The following DPPA2 variants were observed in gnomAD, a reference collection of about 807,000 sequenced individuals.
DPPA2 encodes the protein developmental pluripotency associated 2.
DPPA2 carries 26 observed loss-of-function variants against 36.2 expected under a neutral mutation model. The observed-to-expected ratio is 0.72, with a 90% CI of 0.53 to 1.00. DPPA2 has a LOEUF of 1.00. Ranked by LOEUF, DPPA2 falls within the 50% of genes least tolerant of loss-of-function variation. The pLI is 0.00. For missense variants in DPPA2, 361 were observed against 365.1 expected (o/e 0.99, Z 0.09); for synonymous variants, 113 against 123.2 (o/e 0.92, Z 0.55).
intron 8 of DPPA2, among the ~76,000 whole-genome samples, chr3:109,296,923 C>CA (rs1018288725): frequency 2.3e-4 from 35 of 150,014 alleles, no homozygotes; most frequent in Non-Finnish European, 3.3e-4. Flanking sequence ...CCCATCTCTA[C>CA]AAAAAAAAAT....
At chr3:109,305,682 G>C (rs910033964) in intron 6 of DPPA2, among the ~76,000 whole-genome samples, 1 of 151,302 alleles carries the variant, frequency 6.6e-6, no homozygotes, top group Non-Finnish European at 1.5e-5. Flanking sequence ...GCTGAGGCAG[G>C]AGAATCGCCT....
chr3:109,304,467 A>T lies in DPPA2; in HGVS notation c.854+8T>A. 1 of 1,601,232 alleles carries T rather than the reference A, an allele frequency of 6.2e-7. No homozygotes were observed. The highest frequency in any genetic ancestry group is 8.5e-7 in the Non-Finnish European group (1 of 1,174,474). ...TGTGCCATGCTTAACAAGATACATA[A>T]GGGTTACCTCTTAGCACAGTCGGGG... is the stretch of plus-strand genomic sequence containing the variant. On this transcript the variant is annotated splice_region_variant and intron_variant, in intron 7 of 8. Transcript: ENST00000478945.
intron 8 of DPPA2, among the ~76,000 whole-genome samples, chr3:109,298,662 G>A (rs1178048180): frequency 6.6e-6 from 1 of 150,962 alleles, no homozygotes; most frequent in African/African-American, 2.4e-5. Context: ...GTTCCAGTGA[G>A]CTGAGATCGG....
At chr3:109,304,728 T>G in intron 6 of DPPA2, 58 bp from the exon 7 acceptor site, 1 of 1,492,788 alleles carries the variant, frequency 6.7e-7, no homozygotes, top group Non-Finnish European at 9.0e-7. Flanking sequence ...CAACACAACC[T>G]CTCAGCAAGT....
chr3:109,315,394 G>T (rs1707770974), intron 1 of DPPA2, among the ~76,000 whole-genome samples: 1 of 152,162 alleles, frequency 6.6e-6, no homozygotes. Context: ...CTGGTTGGAG[G>T]AGAAGGATTT....
chr3:109,297,250 A>C (rs1015399617), intron 8 of DPPA2, among the ~76,000 whole-genome samples: 3 of 152,178 alleles, frequency 2.0e-5, no homozygotes, highest in Non-Finnish European at 4.4e-5. Flanking sequence ...CTGGCTGGGC[A>C]CAGTGGCTCA....
intron 6 of DPPA2, among the ~76,000 whole-genome samples, chr3:109,305,497 G>A (rs925761529): frequency 1.3e-5 from 2 of 151,384 alleles, no homozygotes; most frequent in African/African-American, 2.4e-5. Flanking sequence ...GGAACAGGCT[G>A]GGCGTGGTGG....
chr3:109,307,042 C>T (rs1298297264), intron 6 of DPPA2, among the ~76,000 whole-genome samples: 1 of 151,720 alleles, frequency 6.6e-6, no homozygotes, highest in Non-Finnish European at 1.5e-5. Flanking sequence ...AATCTCAGCT[C>T]ACTGCAACCT....
intron 8 of DPPA2, among the ~76,000 whole-genome samples, chr3:109,299,950 C>T (rs981261861): frequency 2.6e-5 from 4 of 151,958 alleles, no homozygotes; most frequent in African/African-American, 9.7e-5. Context: ...AAATGTAGCA[C>T]ACTAATGCAA....
intron 7 of DPPA2, among the ~76,000 whole-genome samples, chr3:109,303,430 G>A (rs533314152): frequency 4.0e-5 from 6 of 151,242 alleles, no homozygotes; most frequent in African/African-American, 1.5e-4. Context: ...GAGTGCAATG[G>A]CACAATCTCA....
At chr3:109,305,646 C>T (rs1030084386) in intron 6 of DPPA2, among the ~76,000 whole-genome samples, 2 of 151,744 alleles carry the variant, frequency 1.3e-5, no homozygotes, top group Admixed American at 6.6e-5. Context: ...TGGTGGCACG[C>T]GCCTGTAATC....
intron 7 of DPPA2, among the ~76,000 whole-genome samples, chr3:109,302,410 T>C (rs1199862387): frequency 6.6e-6 from 1 of 152,174 alleles, no homozygotes; most frequent in Non-Finnish European, 1.5e-5. Flanking sequence ...GAATTACTAA[T>C]CTCTTATTTA....
intron 6 of DPPA2, 102 bp downstream of exon 6, chr3:109,307,930 T>C (rs1707608744): frequency 2.1e-6 from 3 of 1,404,168 alleles, no homozygotes; most frequent in East Asian, 4.9e-5. Context: ...AATCTTCAGA[T>C]ATTTTAGCAA....
intron 3 of DPPA2, among the ~76,000 whole-genome samples, chr3:109,311,652 A>T (rs998603150): frequency 6.6e-6 from 1 of 152,024 alleles, no homozygotes; most frequent in African/African-American, 2.4e-5. Flanking sequence ...AGGCAGGAGA[A>T]TCGCTTGAAC....
intron 6 of DPPA2, among the ~76,000 whole-genome samples, chr3:109,304,875 G>C (rs1033977314): frequency 5.3e-5 from 8 of 152,168 alleles, no homozygotes; most frequent in Non-Finnish European, 8.8e-5. Context: ...GGCTAGGCGC[G>C]GTGGCTCACG....
chr3:109,307,944 C>T, intron 6 of DPPA2, 88 bp downstream of exon 6: 3 of 1,465,134 alleles, frequency 2.0e-6, no homozygotes, highest in Non-Finnish European at 2.7e-6. Flanking sequence ...TTAGCAAATG[C>T]CTTCCCTTTG....
intron 3 of DPPA2, among the ~76,000 whole-genome samples, chr3:109,311,778 T>C (rs1188927669): frequency 6.6e-6 from 1 of 151,998 alleles, no homozygotes; most frequent in East Asian, 1.9e-4. Context: ...AAAACACTTA[T>C]TTGATGCTTT....
intron 2 of DPPA2, 72 bp from the exon 3 acceptor site, chr3:109,312,764 G>C (rs1170939830): frequency 1.3e-6 from 2 of 1,564,744 alleles, no homozygotes; most frequent in Non-Finnish European, 1.7e-6. Flanking sequence ...CAAGGCAAAA[G>C]TCATGAATAA....
At chr3:109,300,189 T>C (rs574445486) in intron 8 of DPPA2, among the ~76,000 whole-genome samples, 182 bp downstream of exon 8, 3 of 152,288 alleles carry the variant, frequency 2.0e-5, no homozygotes, top group Non-Finnish European at 2.9e-5. Flanking sequence ...ATGCAAGTTA[T>C]CTACAGACGC....
Sources: gnomAD v4.1 joint callset for allele counts (sites outside exome capture counted in the v4.1 genomes callset) on GRCh38, gnomAD v4.1.1 for gene constraint, MANE v1.5 for transcripts, NCBI Gene and HGNC (gene_info 2026-07-23, HGNC 2026-07-21) for gene names.